The following PRKG2 variants were observed in gnomAD, a reference collection of about 807,000 sequenced individuals.
PRKG2 encodes the protein cGMP-dependent protein kinase 2.
Under a neutral mutation model 97.2 loss-of-function variants are expected in PRKG2, and 33 were observed. The ratio of observed to expected loss-of-function variants is 0.34; its 90% CI spans 0.26 to 0.45. The LOEUF (loss-of-function observed/expected upper bound fraction) is 0.45. PRKG2 is among the 20% of genes least tolerant of loss of function. The pLI, the probability that PRKG2 is intolerant of heterozygous loss-of-function variation, is 1.00. For missense variants in PRKG2, 638 were observed against 900.0 expected (o/e 0.71, Z 3.73); for synonymous variants, 330 against 321.8 (o/e 1.03, Z -0.27).
chr4:81,134,643 A>G (rs988228852), intron 14 of PRKG2, among the ~76,000 whole-genome samples: 41 of 152,270 alleles, frequency 2.7e-4, no homozygotes, highest in African/African-American at 9.4e-4. Flanking sequence ...GACAGCCAGG[A>G]AAGTCTGTGT....
At chr4:81,122,453 T>G (rs17005063) in intron 14 of PRKG2, among the ~76,000 whole-genome samples, 1 of 151,968 alleles carries the variant, frequency 6.6e-6, no homozygotes, top group Non-Finnish European at 1.5e-5. Flanking sequence ...TTGGAAAAAA[T>G]CAGGCTGACA....
At chr4:81,121,590 T>C (rs1745075351) in intron 14 of PRKG2, among the ~76,000 whole-genome samples, 1 of 150,916 alleles carries the variant, frequency 6.6e-6, no homozygotes, top group Non-Finnish European at 1.5e-5. Flanking sequence ...GACACAGAGC[T>C]CTTCACAGTT....
intron 6 of PRKG2, among the ~76,000 whole-genome samples, chr4:81,157,865 G>T (rs1250727594): frequency 1.4e-5 from 2 of 146,944 alleles, no homozygotes; most frequent in Non-Finnish European, 3.0e-5. Context: ...AAAGGCCTTT[G>T]ACAAAATTCA....
chr4:81,133,784 C>T (rs1746391027), intron 14 of PRKG2, among the ~76,000 whole-genome samples: 1 of 151,952 alleles, frequency 6.6e-6, no homozygotes, highest in African/African-American at 2.4e-5. Flanking sequence ...TATGCCTACA[C>T]ATGTGAAATA....
At chr4:81,217,018 G>GTATATATTT (rs1754296720), upstream of PRKG2, among the ~76,000 whole-genome samples, 1 of 120,278 alleles carries the variant, frequency 8.3e-6, no homozygotes, top group Non-Finnish European at 1.7e-5. Flanking sequence ...CATAGTGTGT[G>GTATATATTT]TGTATATATT....
chr4:81,154,676 G>A (rs28782225), intron 6 of PRKG2, among the ~76,000 whole-genome samples: 12,477 of 151,606 alleles, frequency 0.082, 1,764 homozygotes, highest in African/African-American at 0.29. Flanking sequence ...GGAAAAAACA[G>A]AGCAGAAAAA....
At chr4:81,165,559 C>T (rs922327447) in intron 6 of PRKG2, among the ~76,000 whole-genome samples, 1 of 148,408 alleles carries the variant, frequency 6.7e-6, no homozygotes, top group Non-Finnish European at 1.5e-5. Context: ...TAAATAGATC[C>T]CATTACTCTC....
At chr4:81,106,365 A>T (rs951945735) in intron 15 of PRKG2, among the ~76,000 whole-genome samples, 2 of 152,182 alleles carry the variant, frequency 1.3e-5, no homozygotes, top group African/African-American at 4.8e-5. Context: ...ATGAGTCAGG[A>T]GTGGGCCTGG....
chr4:81,205,789 A>G (rs1753614570), intron 1 of PRKG2, among the ~76,000 whole-genome samples: 1 of 152,144 alleles, frequency 6.6e-6, no homozygotes, highest in South Asian at 2.1e-4. Flanking sequence ...TCCTCCTAAC[A>G]TTGGTGTAGT....
At chr4:81,175,746 C>T (rs1365000441) in intron 2 of PRKG2, among the ~76,000 whole-genome samples, 1 of 152,154 alleles carries the variant, frequency 6.6e-6, no homozygotes, top group Admixed American at 6.5e-5. Context: ...TCCTATAATG[C>T]TCTGCTTTAT....
chr4:81,136,305 TA>T (rs1260433170), intron 13 of PRKG2, among the ~76,000 whole-genome samples: 1 of 152,178 alleles, frequency 6.6e-6, no homozygotes, highest in Non-Finnish European at 1.5e-5. Flanking sequence ...GAGAAGCATT[TA>T]AAAAATCGTT....
At position 81,148,894 on chromosome 4, in the gene PRKG2, T is replaced by C. The variant is rs1026716873; in HGVS notation, c.1144A>G (p.Ile382Val). Residue 382 changes from isoleucine to valine, a missense_variant, in exon 9 of 19, where the codon ATA becomes GTA. Transcript: ENST00000264399. ...AEENDVACLV[I>V]DRETFNQTVG... ...CATCAGTATACTCACTCTCGATCTA[T>C]AACCAGGCATGCAACATCATTTTCT... is the stretch of plus-strand genomic sequence containing the variant. 1 of 1,613,708 alleles carries C rather than the reference T, an allele frequency of 6.2e-7. No homozygotes were observed. Among genetic ancestry groups the C allele is most frequent in the South Asian group, 1.1e-5 (1 of 91,078 alleles).
chr4:81,166,446 G>T (rs1749993911), intron 6 of PRKG2, among the ~76,000 whole-genome samples: 2 of 151,982 alleles, frequency 1.3e-5, no homozygotes, highest in African/African-American at 4.8e-5. Flanking sequence ...AAAAGTTAAA[G>T]AACGTATTTG....
chr4:81,173,147 C>T (rs1182928104), intron 3 of PRKG2, among the ~76,000 whole-genome samples: 1 of 152,064 alleles, frequency 6.6e-6, no homozygotes, highest in Non-Finnish European at 1.5e-5. Context: ...TATGCTTTTA[C>T]TATTTGCTAT....
chr4:81,197,778 GA>G (rs201350802), intron 2 of PRKG2, among the ~76,000 whole-genome samples: 1 of 147,940 alleles, frequency 6.8e-6, no homozygotes, highest in Admixed American at 6.7e-5. Flanking sequence ...AAGAATTAGT[GA>G]AAAAAAAATG....
At chr4:81,181,683 G>T (rs968710293) in intron 2 of PRKG2, among the ~76,000 whole-genome samples, 2 of 150,698 alleles carry the variant, frequency 1.3e-5, no homozygotes, top group Non-Finnish European at 2.9e-5. Flanking sequence ...GAAATAAGAA[G>T]AAGACATCAC....
At chr4:81,163,347 T>A (rs903529275) in intron 6 of PRKG2, among the ~76,000 whole-genome samples, 1 of 152,096 alleles carries the variant, frequency 6.6e-6, no homozygotes, top group Non-Finnish European at 1.5e-5. Flanking sequence ...TCCTTGTGGT[T>A]ACATTGCAAA....
intron 14 of PRKG2, among the ~76,000 whole-genome samples, chr4:81,126,160 G>A (rs1476330188): frequency 2.6e-5 from 4 of 152,178 alleles, no homozygotes; most frequent in Admixed American, 2.6e-4. Flanking sequence ...AATTTGCTGA[G>A]AATGACGGTT....
chr4:81,211,140 C>A (rs1753950992), intron 1 of PRKG2, among the ~76,000 whole-genome samples: 1 of 152,042 alleles, frequency 6.6e-6, no homozygotes. Flanking sequence ...ATATATTTGT[C>A]AAAACCCATG....
Sources: gnomAD v4.1 joint callset for allele counts (sites outside exome capture counted in the v4.1 genomes callset) on GRCh38, gnomAD v4.1.1 for gene constraint, MANE v1.5 for transcripts, NCBI Gene and HGNC (gene_info 2026-07-23, HGNC 2026-07-21) for gene names.